Variants in CCL28 observed in about 807,000 individuals in gnomAD.
The protein encoded by CCL28 is C-C motif chemokine ligand 28.
A neutral mutation model predicts 7.1 loss-of-function variants in CCL28; 4 were observed. The ratio of observed to expected loss-of-function variants is 0.56; its 90% confidence interval spans 0.28 to 1.29. The LOEUF (loss-of-function observed/expected upper bound fraction) is 1.29, where lower values mean the gene tolerates loss of function less well. CCL28 is among the 50% of genes most tolerant of loss of function. The probability of loss-of-function intolerance (pLI) is 0.11; values close to 1 mark genes in which losing one functional copy is unlikely to be tolerated. For missense variants in CCL28, 151 were observed against 163.4 expected (o/e 0.92, Z 0.41); for synonymous variants, 55 against 57.8 (o/e 0.95, Z 0.22).
At chr5:43,361,605 T>C in the CCL28 span, among the ~76,000 whole-genome samples, 1 of 152,106 alleles carries the variant, frequency 6.6e-6, no homozygotes, top group East Asian at 1.9e-4. Flanking sequence ...TTGTCTTCCA[T>C]GGTTTTTATA....
the CCL28 span, among the ~76,000 whole-genome samples, chr5:43,370,832 C>A: frequency 4.0e-5 from 6 of 151,144 alleles, no homozygotes; most frequent in African/African-American, 9.8e-5. Context: ...ACCTCTGACT[C>A]CTGGGTTCAA....
At chr5:43,400,052 CCCA>C (rs1740969799) in intron 1 of CCL28, among the ~76,000 whole-genome samples, 1 of 151,990 alleles carries the variant, frequency 6.6e-6, no homozygotes, top group Non-Finnish European at 1.5e-5. Flanking sequence ...TTGTATGTTA[CCCA>C]GGCTGGTCTC....
chr5:43,362,360 T>C, the CCL28 span, among the ~76,000 whole-genome samples: 1 of 152,194 alleles, frequency 6.6e-6, no homozygotes, highest in Non-Finnish European at 1.5e-5. Flanking sequence ...CTGCTGAAGT[T>C]GTTTATCAGC....
At chr5:43,404,846 C>T (rs528102716) in intron 1 of CCL28, among the ~76,000 whole-genome samples, 1 of 151,864 alleles carries the variant, frequency 6.6e-6, no homozygotes, top group South Asian at 2.1e-4. Context: ...ACAAAAAAAA[C>T]AGGGTTGCAA....
chr5:43,394,163 C>G (rs745583631), intron 1 of CCL28, among the ~76,000 whole-genome samples: 3 of 152,170 alleles, frequency 2.0e-5, no homozygotes, highest in Non-Finnish European at 4.4e-5. Flanking sequence ...TGCTTCTGGG[C>G]TTTTTCTTCT....
At chr5:43,396,150 G>A (rs1370360296) in intron 1 of CCL28, among the ~76,000 whole-genome samples, 25 of 152,186 alleles carry the variant, frequency 1.6e-4, no homozygotes, top group African/African-American at 5.5e-4. Flanking sequence ...GATTACAGGC[G>A]TGAACCACTG....
In CCL28 at chr5:43,388,380, G is replaced by A; in HGVS notation, c.161C>T (p.Ala54Val). ...AGCAGCCAAGTCACAATCCCCATCA[G>A]CTCTCTGGATGCGACACATATTCAC... ...ERVNMCRIQR[A>V]DGDCDLAAVI... The change falls in exon 2 of 3, where the codon GCT becomes GTT. Residue 54 changes from alanine (A) to valine (V), a missense_variant. Transcript: ENST00000361115. 1 of 1,614,132 alleles carries A rather than the reference G, an allele frequency of 6.2e-7. No homozygotes were observed. The highest frequency in any genetic ancestry group is 1.7e-4 in the Middle Eastern group (1 of 6,058).
Position 43,381,526 on chromosome 5 carries a change from ATTT to A in CCL28, c.*331_*333del, listed in dbSNP as rs922114943. The A allele has an allele frequency of 5.9e-6, 1 of 168,568 alleles. No homozygotes were observed. The highest frequency in any genetic ancestry group is 2.4e-5 in the African/African-American group (1 of 41,186). The allele number at this position is 168,568 out of a possible 1,614,324, so 10.4% of individuals were successfully genotyped here. A position where few individuals can be genotyped will look rare whatever the true frequency, so the allele number is the denominator to read the frequency against. On this transcript the variant is annotated 3_prime_UTR_variant, in exon 3 of 3. Transcript: ENST00000361115. ...AGGCAAGTACTACCATGCCGGGCCA[ATTT>A]TTTTTTTGTTTGTAGAAATGAGGTC... is the stretch of plus-strand genomic sequence containing the variant.
chr5:43,388,893 A>G (rs1740448986), intron 1 of CCL28, among the ~76,000 whole-genome samples: 1 of 152,196 alleles, frequency 6.6e-6, no homozygotes, highest in Admixed American at 6.5e-5. Context: ...ATAAGGCATA[A>G]TCTGTCCTTG....
chr5:43,367,466 G>A, the CCL28 span, among the ~76,000 whole-genome samples: 1 of 152,204 alleles, frequency 6.6e-6, no homozygotes, highest in African/African-American at 2.4e-5. Context: ...GTCCCTCACG[G>A]CTTCCCTTGG....
intron 1 of CCL28, among the ~76,000 whole-genome samples, chr5:43,389,615 G>A (rs1281249074): frequency 1.3e-5 from 2 of 152,200 alleles, no homozygotes; most frequent in African/African-American, 2.4e-5. Flanking sequence ...AGTTATCTGA[G>A]TGCTGATATC....
chr5:43,377,517 GA>G (rs1487078969), downstream of CCL28: 1 of 143,042 alleles, frequency 7.0e-6, no homozygotes, highest in African/African-American at 2.6e-5. Context: ...AAGAAAGAAA[GA>G]AAGAAAAAAG....
chr5:43,372,723 T>C (rs2111639718), downstream of CCL28, among the ~76,000 whole-genome samples: 1 of 152,180 alleles, frequency 6.6e-6, no homozygotes, highest in East Asian at 1.9e-4. Flanking sequence ...ATTCTACTGT[T>C]GATGGACACT....
intron 1 of CCL28, among the ~76,000 whole-genome samples, chr5:43,408,020 G>A (rs6883841): frequency 0.035 from 5,401 of 152,230 alleles, 260 homozygotes; most frequent in African/African-American, 0.11. Flanking sequence ...GGAGAAATAG[G>A]AACACTTTTA....
chr5:43,408,262 G>A (rs1051563336), intron 1 of CCL28, among the ~76,000 whole-genome samples: 4 of 152,134 alleles, frequency 2.6e-5, no homozygotes, highest in African/African-American at 4.8e-5. Context: ...ATGATAGACT[G>A]GATTAAGAAA....
At chr5:43,407,301 G>A (rs923526766) in intron 1 of CCL28, among the ~76,000 whole-genome samples, 7 of 152,052 alleles carry the variant, frequency 4.6e-5, no homozygotes, top group Non-Finnish European at 8.8e-5. Context: ...AGAGATATAG[G>A]CCAATGGAAC....
intron 1 of CCL28, among the ~76,000 whole-genome samples, chr5:43,402,592 C>T (rs1364170094): frequency 2.6e-5 from 4 of 152,230 alleles, no homozygotes; most frequent in Non-Finnish European, 5.9e-5. Flanking sequence ...CAGCTCCCAG[C>T]GTGAGCAACA....
At chr5:43,370,238 C>T in the CCL28 span, among the ~76,000 whole-genome samples, 1,113 of 152,310 alleles carry the variant, frequency 7.3e-3, 7 homozygotes, top group Middle Eastern at 0.034. Flanking sequence ...GTGAGTTAGA[C>T]GGCAATATAT....
chr5:43,411,989 C>T (rs1741551356), intron 1 of CCL28, among the ~76,000 whole-genome samples: 2 of 152,186 alleles, frequency 1.3e-5, no homozygotes, highest in Admixed American at 1.3e-4. Flanking sequence ...GGAAACATAG[C>T]TCGAAGTTGT....
Sources: gnomAD v4.1 joint callset for allele counts (sites outside exome capture counted in the v4.1 genomes callset) on GRCh38, gnomAD v4.1.1 for gene constraint, MANE v1.5 for transcripts, NCBI Gene and HGNC (gene_info 2026-07-23, HGNC 2026-07-21) for gene names.